Variants in SEMA3D observed in about 807,000 individuals in gnomAD.
SEMA3D encodes semaphorin 3D.
A neutral mutation model predicts 100.1 loss-of-function variants in SEMA3D; 84 were observed. The observed-to-expected ratio is 0.84, with a 90% CI of 0.70 to 1.01. The LOEUF (loss-of-function observed/expected upper bound fraction) is 1.01. SEMA3D is among the 50% of genes least tolerant of loss of function. The pLI, the probability that SEMA3D is intolerant of heterozygous loss-of-function variation, is 0.00. For missense variants in SEMA3D, 875 were observed against 934.1 expected, an observed-to-expected ratio of 0.94 and a Z score of 0.82; for synonymous variants, 312 against 320.7, an observed-to-expected ratio of 0.97 and a Z score of 0.29.
chr7:85,056,890 CATAT>C (rs10525654), intron 8 of SEMA3D, among the ~76,000 whole-genome samples: 4,502 of 138,512 alleles, frequency 0.033, 247 homozygotes, highest in African/African-American at 0.11. Flanking sequence ...ACATATACAG[CATAT>C]ATATATATAT....
At chr7:85,015,547 A>C (rs898541995) in intron 15 of SEMA3D, among the ~76,000 whole-genome samples, 5 of 151,836 alleles carry the variant, frequency 3.3e-5, no homozygotes, top group Admixed American at 1.3e-4. Context: ...GATTATGTCC[A>C]GCACAGATGC....
Position 85,100,389 on chromosome 7 carries a change from TAA to T in SEMA3D, c.152-2426_152-2425del, listed in dbSNP as rs1788710517. Among the ~76,000 whole-genome samples the T allele has an allele frequency of 4.6e-5, 7 of 151,692 alleles. No individual in the cohort carries two copies. In the South Asian group the frequency reaches 1.5e-3, roughly 32 times the overall value. Reference sequence around the variant, plus strand: ...TAATTGTGATATGCACAGACTCCTATAAGTTATCCAAATCCTTTCACTAGATT... The same window carrying T: ...TAATTGTGATATGCACAGACTCCTATGTTATCCAAATCCTTTCACTAGATT... On this transcript the variant is annotated intron_variant, in intron 3 of 18. Coordinates refer to ENST00000284136, the MANE Select transcript of SEMA3D (RefSeq NM_001384900.1).
chr7:85,179,240 C>T (rs918316354), intron 1 of SEMA3D, among the ~76,000 whole-genome samples: 1 of 152,102 alleles, frequency 6.6e-6, no homozygotes. Flanking sequence ...AGAGGGCCAC[C>T]ATCCTCAAGA....
At chr7:85,136,263 CA>C (rs1324697458) in intron 2 of SEMA3D, among the ~76,000 whole-genome samples, 2 of 152,126 alleles carry the variant, frequency 1.3e-5, no homozygotes, top group South Asian at 2.1e-4. Context: ...ATCAGTTTTT[CA>C]GACAATGCTT....
chr7:85,212,345 A>G, the SEMA3D span, among the ~76,000 whole-genome samples: 1 of 152,144 alleles, frequency 6.6e-6, no homozygotes. Context: ...TGCTTTCTCA[A>G]ATGCGGACAT....
At chr7:85,069,918 G>A (rs1791726226) in intron 6 of SEMA3D, among the ~76,000 whole-genome samples, 1 of 152,134 alleles carries the variant, frequency 6.6e-6, no homozygotes, top group Non-Finnish European at 1.5e-5. Flanking sequence ...GTACATCCAT[G>A]CCTCTTTACC....
chr7:85,205,634 T>C, the SEMA3D span, among the ~76,000 whole-genome samples: 7 of 152,082 alleles, frequency 4.6e-5, no homozygotes, highest in Non-Finnish European at 1.0e-4. Flanking sequence ...GGACAATTTG[T>C]CCTTCTTTTG....
At chr7:85,146,175 C>A (rs879347373) in intron 2 of SEMA3D, among the ~76,000 whole-genome samples, 2 of 152,106 alleles carry the variant, frequency 1.3e-5, no homozygotes, top group African/African-American at 2.4e-5. Context: ...TGTATGACAT[C>A]TTACAGTTCT....
intron 2 of SEMA3D, among the ~76,000 whole-genome samples, chr7:85,128,689 A>G (rs779714689): frequency 1.3e-4 from 20 of 151,720 alleles, no homozygotes; most frequent in Non-Finnish European, 2.5e-4. Flanking sequence ...CTAATATTAT[A>G]AATATTCTGC....
At chr7:85,223,665 T>C in the SEMA3D span, among the ~76,000 whole-genome samples, 10 of 151,938 alleles carry the variant, frequency 6.6e-5, no homozygotes, top group African/African-American at 2.2e-4. Flanking sequence ...AACTCATAAC[T>C]GGAAAACCAA....
upstream of SEMA3D, among the ~76,000 whole-genome samples, chr7:85,189,598 A>G (rs1228991269): frequency 6.6e-6 from 1 of 152,218 alleles, no homozygotes; most frequent in African/African-American, 2.4e-5. Context: ...AGCGATGTGT[A>G]TATCATCAGT....
chr7:85,023,672 A>C (rs1016027), intron 12 of SEMA3D, among the ~76,000 whole-genome samples: 57,720 of 151,578 alleles, frequency 0.38, 12,033 homozygotes, highest in African/African-American at 0.57. Context: ...TAGAATCATG[A>C]CAAGGCTCCA....
At chr7:85,237,310 T>C in the SEMA3D span, among the ~76,000 whole-genome samples, 1 of 152,166 alleles carries the variant, frequency 6.6e-6, no homozygotes, top group Non-Finnish European at 1.5e-5. Flanking sequence ...AAGCCCATAG[T>C]TTACATTAGG....
intron 18 of SEMA3D, among the ~76,000 whole-genome samples, chr7:85,000,207 A>G (rs567085563): frequency 6.6e-6 from 1 of 152,292 alleles, no homozygotes; most frequent in Admixed American, 6.5e-5. Flanking sequence ...GGCCTTCTTT[A>G]CAGAGATTTC....
the SEMA3D span, among the ~76,000 whole-genome samples, chr7:85,199,295 A>C: frequency 6.7e-6 from 1 of 149,232 alleles, no homozygotes; most frequent in Non-Finnish European, 1.5e-5. Flanking sequence ...TATGTTGCTT[A>C]AGTCTTCTTT....
chr7:85,093,942 G>A (rs1788474362), intron 4 of SEMA3D, among the ~76,000 whole-genome samples: 2 of 151,920 alleles, frequency 1.3e-5, no homozygotes, highest in Admixed American at 1.3e-4. Flanking sequence ...TAAATTTCCC[G>A]AGGGTGAGGT....
chr7:85,153,207 C>T (rs891091900), intron 2 of SEMA3D, among the ~76,000 whole-genome samples: 4 of 151,560 alleles, frequency 2.6e-5, no homozygotes, highest in Admixed American at 2.0e-4. Context: ...AAAAAATAAA[C>T]TCTAATATAA....
intron 17 of SEMA3D, among the ~76,000 whole-genome samples, chr7:85,011,633 TC>T (rs1247836970): frequency 6.6e-6 from 1 of 151,752 alleles, no homozygotes; most frequent in African/African-American, 2.4e-5. Context: ...CCTATAATCA[TC>T]CCCGATAAAT....
chr7:85,142,649 T>G (rs920775056), intron 2 of SEMA3D: 1 of 982,546 alleles, frequency 1.0e-6, no homozygotes, highest in African/African-American at 1.8e-5. Context: ...AAGAGATTCT[T>G]TAGAAGAAAG....
Sources: gnomAD v4.1 joint callset for allele counts (sites outside exome capture counted in the v4.1 genomes callset) on GRCh38, gnomAD v4.1.1 for gene constraint, MANE v1.5 for transcripts, NCBI Gene and HGNC (gene_info 2026-07-23, HGNC 2026-07-21) for gene names.